SHISA6: variants seen among roughly 807,000 people sequenced by gnomAD.
SHISA6 encodes the protein shisa family member 6.
Under a neutral mutation model 47.9 loss-of-function variants are expected in SHISA6, and 22 were observed. The ratio of observed to expected loss-of-function variants is 0.46; its 90% CI spans 0.33 to 0.66. SHISA6 has a LOEUF of 0.66. SHISA6 is among the 30% of genes least tolerant of loss of function. SHISA6 has a pLI of 0.02. For missense variants in SHISA6, 680 were observed against 764.6 expected (o/e 0.89, Z 1.30); for synonymous variants, 388 against 337.8 (o/e 1.15, Z -1.63).
chr17:11,278,319 T>C (rs1240627605), intron 2 of SHISA6, among the ~76,000 whole-genome samples: 1 of 152,202 alleles, frequency 6.6e-6, no homozygotes, highest in African/African-American at 2.4e-5. Context: ...GGGAAATCCC[T>C]GCAGAGAGTC....
chr17:11,287,491 T>C (rs897277849), intron 2 of SHISA6, among the ~76,000 whole-genome samples: 4 of 150,610 alleles, frequency 2.7e-5, no homozygotes, highest in Non-Finnish European at 5.9e-5. Context: ...TTGGAGACCA[T>C]CTTAGGCAAA....
At chr17:11,541,536 T>A (rs1039569232) in intron 3 of SHISA6, among the ~76,000 whole-genome samples, 1 of 152,180 alleles carries the variant, frequency 6.6e-6, no homozygotes, top group Non-Finnish European at 1.5e-5. Context: ...CTCCCTTTAT[T>A]TTGAGGCAAA....
rs563126731 is a variant in SHISA6, at chr17:11,427,199, T to C, written c.895+47690T>C. The stretch of plus-strand genomic sequence containing the variant: ...CCCAGGCTGGAGTGCAGTGGCATAG[T>C]CTCGGCTCACTACAACCTCTGCCTC... On this transcript the variant is annotated intron_variant, in intron 3 of 5. Transcript: ENST00000441885. Among the ~76,000 whole-genome samples the C allele has an allele frequency of 3.5e-4, 54 of 152,252 alleles. 2 individuals carry two copies. In the East Asian group the frequency reaches 0.01, roughly 29 times the overall value.
chr17:11,323,426 G>A (rs536833022), intron 2 of SHISA6, among the ~76,000 whole-genome samples: 9 of 152,136 alleles, frequency 5.9e-5, no homozygotes, highest in South Asian at 2.1e-4. Flanking sequence ...AGGCCGAGGC[G>A]GGTGGATCAC....
At chr17:11,343,511 G>A (rs182314966) in intron 2 of SHISA6, among the ~76,000 whole-genome samples, 25 of 152,278 alleles carry the variant, frequency 1.6e-4, no homozygotes, top group African/African-American at 4.6e-4. Flanking sequence ...CATGGAACAC[G>A]GGATCTCAAT....
At chr17:11,422,654 C>G (rs1039962336) in intron 3 of SHISA6, among the ~76,000 whole-genome samples, 9 of 151,164 alleles carry the variant, frequency 6.0e-5, no homozygotes, top group Non-Finnish European at 1.0e-4. Flanking sequence ...CCCAGCTACG[C>G]AAGAGGCTAA....
At chr17:11,371,758 G>A (rs1030949278) in intron 2 of SHISA6, among the ~76,000 whole-genome samples, 10 of 151,826 alleles carry the variant, frequency 6.6e-5, no homozygotes, top group African/African-American at 2.2e-4. Context: ...AATGGCCCAT[G>A]AGCCCACTTT....
At chr17:11,282,311 C>A (rs151242647) in intron 2 of SHISA6, among the ~76,000 whole-genome samples, 1 of 151,912 alleles carries the variant, frequency 6.6e-6, no homozygotes, top group Non-Finnish European at 1.5e-5. Flanking sequence ...GTTCTAGAGG[C>A]GATTCAACAA....
intron 2 of SHISA6, among the ~76,000 whole-genome samples, chr17:11,286,946 T>C (rs1286275960): frequency 1.3e-5 from 2 of 152,232 alleles, no homozygotes; most frequent in South Asian, 2.1e-4. Context: ...TTTATTGATA[T>C]GAGGAAGGAA....
intron 3 of SHISA6, among the ~76,000 whole-genome samples, chr17:11,434,500 C>T (rs982199002): frequency 3.3e-5 from 5 of 152,276 alleles, no homozygotes; most frequent in African/African-American, 1.2e-4. Context: ...AGCCATTTGA[C>T]GGCCCCTAAA....
At chr17:11,399,710 CT>C (rs1480766805) in intron 3 of SHISA6, among the ~76,000 whole-genome samples, 1 of 152,230 alleles carries the variant, frequency 6.6e-6, no homozygotes, top group African/African-American at 2.4e-5. Flanking sequence ...GCATGAGGCA[CT>C]GCGCCCAGCC....
intron 3 of SHISA6, among the ~76,000 whole-genome samples, chr17:11,481,807 A>G (rs934347270): frequency 5.3e-5 from 8 of 152,088 alleles, no homozygotes; most frequent in African/African-American, 1.9e-4. Context: ...GATATATTTA[A>G]GAGCATGGTA....
chr17:11,460,642 C>T (rs1357554780), intron 3 of SHISA6, among the ~76,000 whole-genome samples: 1 of 152,142 alleles, frequency 6.6e-6, no homozygotes, highest in East Asian at 1.9e-4. Flanking sequence ...CTGCCTGCCT[C>T]AGTCTCCCAA....
intron 2 of SHISA6, among the ~76,000 whole-genome samples, chr17:11,283,738 G>C (rs1451497869): frequency 6.6e-6 from 1 of 152,182 alleles, no homozygotes; most frequent in Non-Finnish European, 1.5e-5. Context: ...AGCATATAAT[G>C]AAAGTAAGGT....
intron 2 of SHISA6, among the ~76,000 whole-genome samples, chr17:11,316,974 C>T (rs943037403): frequency 1.1e-4 from 16 of 152,110 alleles, no homozygotes; most frequent in Admixed American, 2.0e-4. Context: ...TTGGCTGTTA[C>T]TCACTAATAT....
At chr17:11,471,579 T>A (rs1915936285) in intron 3 of SHISA6, among the ~76,000 whole-genome samples, 1 of 152,202 alleles carries the variant, frequency 6.6e-6, no homozygotes, top group Non-Finnish European at 1.5e-5. Context: ...AGGAAGCCTT[T>A]GCTGACCTCT....
intron 3 of SHISA6, among the ~76,000 whole-genome samples, chr17:11,501,576 C>T (rs1364748350): frequency 6.6e-6 from 1 of 152,086 alleles, no homozygotes; most frequent in Non-Finnish European, 1.5e-5. Flanking sequence ...GAATGGGAGG[C>T]TGCTGGGCAG....
intron 3 of SHISA6, among the ~76,000 whole-genome samples, chr17:11,386,072 G>C (rs1029173496): frequency 7.2e-5 from 11 of 152,154 alleles, no homozygotes; most frequent in African/African-American, 2.7e-4. Context: ...CAAGTGATGG[G>C]AAGAGGAAGG....
intron 3 of SHISA6, among the ~76,000 whole-genome samples, chr17:11,535,885 ATGTG>A (rs10570271): frequency 2.0e-4 from 30 of 150,126 alleles, no homozygotes; most frequent in South Asian, 4.2e-4. Flanking sequence ...TGGGAAAACA[ATGTG>A]TGTGTGTGTG....
Sources: gnomAD v4.1 joint callset for allele counts (sites outside exome capture counted in the v4.1 genomes callset) on GRCh38, gnomAD v4.1.1 for gene constraint, MANE v1.5 for transcripts, NCBI Gene and HGNC (gene_info 2026-07-23, HGNC 2026-07-21) for gene names.